UGT2B4: variants seen among roughly 807,000 people sequenced by gnomAD.
The protein encoded by UGT2B4 is UDP-glucuronosyltransferase 2B4.
In UGT2B4, 49 loss-of-function variants were observed where a neutral mutation model predicts 49.8. The observed-to-expected ratio is 0.98, with a 90% CI of 0.78 to 1.25. The LOEUF is 1.25. UGT2B4 is among the 50% of genes most tolerant of loss of function. UGT2B4 has a pLI of 0.00. For missense variants in UGT2B4, 729 were observed against 627.7 expected (o/e 1.16, Z -1.73); for synonymous variants, 246 against 217.7 (o/e 1.13, Z -1.14).
intron 1 of UGT2B4, among the ~76,000 whole-genome samples, chr4:69,504,879 A>G (rs1235443956): frequency 6.6e-6 from 1 of 152,190 alleles, no homozygotes; most frequent in African/African-American, 2.4e-5. Context: ...CTACAAAGGG[A>G]AGCCCATAAA....
At chr4:69,504,995 TA>T (rs1300158255) in intron 1 of UGT2B4, among the ~76,000 whole-genome samples, 1 of 152,072 alleles carries the variant, frequency 6.6e-6, no homozygotes, top group Non-Finnish European at 1.5e-5. Context: ...AAAAATAAGA[TA>T]TTTTTTAGGC....
chr4:69,511,225 G>A (rs935557397), intron 1 of UGT2B4, among the ~76,000 whole-genome samples: 6 of 151,970 alleles, frequency 3.9e-5, no homozygotes, highest in Admixed American at 2.0e-4. Context: ...CCTGAACTCA[G>A]GTGATCCACC....
intron 2 of UGT2B4, 111 bp from the exon 3 acceptor site, chr4:69,489,681 G>T: frequency 1.4e-6 from 2 of 1,439,694 alleles, no homozygotes; most frequent in Non-Finnish European, 1.9e-6. Flanking sequence ...AATTATTGGA[G>T]TAAAGGATGT....
At chr4:69,501,980 A>G (rs1728329732) in intron 1 of UGT2B4, among the ~76,000 whole-genome samples, 1 of 150,698 alleles carries the variant, frequency 6.6e-6, no homozygotes, top group South Asian at 2.1e-4. Flanking sequence ...CTTCACATTG[A>G]CTCATCACTT....
chr4:69,510,716 T>C (rs910689738), intron 1 of UGT2B4, among the ~76,000 whole-genome samples: 42 of 152,208 alleles, frequency 2.8e-4, no homozygotes, highest in Non-Finnish European at 2.2e-4. Context: ...TTAAGAGTAT[T>C]TTGGGGAGTA....
intron 1 of UGT2B4, among the ~76,000 whole-genome samples, chr4:69,522,767 T>G (rs1245349472): frequency 6.6e-6 from 1 of 152,184 alleles, no homozygotes; most frequent in East Asian, 1.9e-4. Flanking sequence ...AGAGTTCTCT[T>G]TAGCATGCAA....
At chr4:69,496,002 A>G, upstream of UGT2B4, 1 of 1,340,832 alleles carries the variant, frequency 7.5e-7, no homozygotes, top group Non-Finnish European at 9.9e-7. Flanking sequence ...CAGTCTGAGC[A>G]TGTGGATGAC....
chr4:69,505,218 T>A (rs1412622364), intron 1 of UGT2B4, among the ~76,000 whole-genome samples: 1 of 152,074 alleles, frequency 6.6e-6, no homozygotes, highest in Non-Finnish European at 1.5e-5. Context: ...AATCCACACA[T>A]ATCAATATTA....
At chr4:69,506,612 G>A (rs1728473857) in intron 1 of UGT2B4, among the ~76,000 whole-genome samples, 1 of 151,390 alleles carries the variant, frequency 6.6e-6, no homozygotes, top group Non-Finnish European at 1.5e-5. Flanking sequence ...CCTAGGACCA[G>A]ATAGATTCAC....
chr4:69,495,891 T>C lies in UGT2B4; in HGVS notation c.-30A>G, dbSNP rs1191043987. 1 of 1,544,942 alleles carries C rather than the reference T, an allele frequency of 6.5e-7. No individual in the cohort carries two copies. Among genetic ancestry groups the C allele is most frequent in the East Asian group, 2.3e-5 (1 of 44,332 alleles). On this transcript the variant is annotated 5_prime_UTR_variant, in exon 1 of 6. Coordinates refer to ENST00000305107, the MANE Select transcript of UGT2B4 (RefSeq NM_021139.3). ...ATGCAATGCAATGCTTGTTTTCCAG[T>C]TGCTGCTCCTTTCTGTCATTTCTCA...
intron 1 of UGT2B4, among the ~76,000 whole-genome samples, chr4:69,508,569 T>C (rs960537983): frequency 1.3e-5 from 2 of 152,176 alleles, no homozygotes; most frequent in Admixed American, 6.5e-5. Flanking sequence ...TGGATGGAGT[T>C]GGATGCCATT....
chr4:69,510,990 CTTTTT>C (rs113842049), intron 1 of UGT2B4, among the ~76,000 whole-genome samples: 1 of 105,890 alleles, frequency 9.4e-6, no homozygotes, highest in African/African-American at 3.9e-5. Context: ...TTCTTTTCTT[CTTTTT>C]TTTTTTTTTT....
chr4:69,506,287 A>G (rs898578528), intron 1 of UGT2B4, among the ~76,000 whole-genome samples: 3 of 152,078 alleles, frequency 2.0e-5, no homozygotes, highest in African/African-American at 7.2e-5. Context: ...TGAATCAAGA[A>G]TCTGGGTATT....
upstream of UGT2B4, among the ~76,000 whole-genome samples, chr4:69,500,289 G>A (rs557403298): frequency 2.0e-5 from 3 of 152,022 alleles, no homozygotes; most frequent in East Asian, 1.9e-4. Flanking sequence ...AATGCATTCC[G>A]GGCTTAATAC....
chr4:69,502,870 C>T (rs1728377690), intron 1 of UGT2B4, among the ~76,000 whole-genome samples: 1 of 152,100 alleles, frequency 6.6e-6, no homozygotes, highest in Non-Finnish European at 1.5e-5. Flanking sequence ...CCCATGGATC[C>T]CACACATCTC....
At chr4:69,510,982 C>CTTTTTTTTTTTTTT (rs1259714505) in intron 1 of UGT2B4, among the ~76,000 whole-genome samples, 3 of 110,956 alleles carry the variant, frequency 2.7e-5, no homozygotes, top group Non-Finnish European at 3.5e-5. Context: ...TCTTTCTTTT[C>CTTTTTTTTTTTTTT]TTTTCTTCTT....
chr4:69,505,817 A>G lies in UGT2B4; in HGVS notation c.-105-9851T>C, dbSNP rs1466007200. Among the ~76,000 whole-genome samples, 7 of 152,330 alleles carry G rather than the reference A, an allele frequency of 4.6e-5. No homozygotes were observed. The South Asian group carries it at 8.3e-4, about 18-fold the overall frequency. ...TTAATTGATTACATAATCAGAAGTG[A>G]AACACTCTTTAGAAAACACGAAAGA... On this transcript the variant is annotated intron_variant, in intron 1 of 1. Coordinates refer to the UGT2B4 transcript ENST00000510114.
At chr4:69,500,956 CA>C (rs1728304854) in intron 1 of UGT2B4, among the ~76,000 whole-genome samples, 3 of 152,106 alleles carry the variant, frequency 2.0e-5, no homozygotes, top group Admixed American at 2.0e-4. Flanking sequence ...GGCTTCCTGG[CA>C]AAAGTAGCTG....
At chr4:69,481,798 G>A (rs1372190572) in intron 5 of UGT2B4, among the ~76,000 whole-genome samples, 1 of 152,258 alleles carries the variant, frequency 6.6e-6, no homozygotes, top group Middle Eastern at 3.4e-3. Context: ...TTCTAAAGAG[G>A]AATTGTGTCA....
Sources: gnomAD v4.1 joint callset for allele counts (sites outside exome capture counted in the v4.1 genomes callset) on GRCh38, gnomAD v4.1.1 for gene constraint, MANE v1.5 for transcripts, NCBI Gene and HGNC (gene_info 2026-07-23, HGNC 2026-07-21) for gene names.